DOCK3: variants seen among roughly 807,000 people sequenced by gnomAD.
DOCK3 encodes dedicator of cytokinesis protein 3.
Under a neutral mutation model 265.6 loss-of-function variants are expected in DOCK3, and 60 were observed. The observed-to-expected ratio is 0.23, with a 90% CI of 0.18 to 0.28. The LOEUF is 0.28. DOCK3 is among the 10% of genes least tolerant of loss of function. DOCK3 has a pLI of 1.00. For synonymous variants in DOCK3, 881 were observed against 938.0 expected (o/e 0.94, Z 1.11); for missense variants, 1,981 against 2,594.3 (o/e 0.76, Z 5.14).
intron 2 of DOCK3, among the ~76,000 whole-genome samples, chr3:50,825,242 A>T (rs1472936356): frequency 6.6e-6 from 1 of 152,194 alleles, no homozygotes; most frequent in Non-Finnish European, 1.5e-5. Flanking sequence ...AGATACAGAG[A>T]TTATAAAATG....
rs545657838 is a variant in DOCK3, at chr3:50,713,778, A to G, written c.37+38478A>G. Among the ~76,000 whole-genome samples, 61 of 152,048 alleles carry G rather than the reference A, an allele frequency of 4.0e-4. 1 individual carries two copies. In the South Asian group the frequency reaches 0.012, roughly 30 times the overall value. The stretch of plus-strand genomic sequence containing the variant: ...TGTCTAGATGGAGATCATGATCTTT[A>G]GTCATCTCCAGTCTGTTCTTGTTTT... On this transcript the variant is annotated intron_variant, in intron 1 of 52. Coordinates refer to ENST00000266037, the MANE Select transcript of DOCK3 (RefSeq NM_004947.5).
chr3:51,119,669 A>G (rs1576147204), intron 9 of DOCK3, among the ~76,000 whole-genome samples: 2 of 151,180 alleles, frequency 1.3e-5, no homozygotes, highest in African/African-American at 4.9e-5. Flanking sequence ...CATTTTCATT[A>G]TTTTTTCTCT....
At chr3:51,154,103 A>G (rs1304506778) in intron 10 of DOCK3, among the ~76,000 whole-genome samples, 1 of 152,244 alleles carries the variant, frequency 6.6e-6, no homozygotes, top group Admixed American at 6.5e-5. Flanking sequence ...ATGACTTTCT[A>G]TAAAAGCTGC....
chr3:50,956,125 G>A (rs1160481977), intron 5 of DOCK3, among the ~76,000 whole-genome samples: 3 of 151,510 alleles, frequency 2.0e-5, no homozygotes, highest in African/African-American at 7.3e-5. Context: ...ATTTAGTTCA[G>A]AATTTGAGAA....
chr3:51,341,155 A>G, intron 37 of DOCK3, 82 bp from the exon 38 acceptor site: 2 of 1,470,530 alleles, frequency 1.4e-6, no homozygotes, highest in South Asian at 1.4e-5. Flanking sequence ...CATTCTGCCC[A>G]GCATAGTCCT....
intron 3 of DOCK3, among the ~76,000 whole-genome samples, chr3:50,887,107 G>A (rs1485419132): frequency 6.6e-6 from 1 of 152,038 alleles, no homozygotes; most frequent in East Asian, 1.9e-4. Context: ...AAAATTGATA[G>A]ACTGCTAGCA....
intron 9 of DOCK3, among the ~76,000 whole-genome samples, chr3:51,100,068 TTACAGTGAC>T (rs1204397369): frequency 1.5e-5 from 2 of 130,858 alleles, no homozygotes; most frequent in African/African-American, 5.8e-5. Flanking sequence ...AAGAAAGCCT[TTACAGTGAC>T]CAGATGACAG....
At chr3:50,758,298 C>G (rs1418224181) in intron 1 of DOCK3, among the ~76,000 whole-genome samples, 3 of 150,168 alleles carry the variant, frequency 2.0e-5, no homozygotes, top group African/African-American at 7.4e-5. Flanking sequence ...CCTTATGCCA[C>G]TACCACACTA....
At chr3:51,016,585 CAT>C (rs1559944363) in intron 5 of DOCK3, among the ~76,000 whole-genome samples, 15 of 74,424 alleles carry the variant, frequency 2.0e-4, no homozygotes, top group South Asian at 1.4e-3. Context: ...TTATATATAT[CAT>C]ATATTATATA....
chr3:50,922,771 A>AT (rs2050560580), intron 4 of DOCK3, among the ~76,000 whole-genome samples: 1 of 140,650 alleles, frequency 7.1e-6, no homozygotes, highest in African/African-American at 2.6e-5. Context: ...TTTTTTTTTA[A>AT]TTTTTTTCTC....
intron 1 of DOCK3, among the ~76,000 whole-genome samples, chr3:50,763,250 T>G (rs1172669363): frequency 2.6e-5 from 4 of 152,148 alleles, no homozygotes; most frequent in Non-Finnish European, 5.9e-5. Context: ...CTTTTCATAT[T>G]AGAGAGCAAT....
At chr3:51,280,073 C>G (rs1230679461) in intron 26 of DOCK3, 33 bp from the exon 27 acceptor site, 17 of 1,589,148 alleles carry the variant, frequency 1.1e-5, no homozygotes, top group Non-Finnish European at 1.4e-5. Context: ...TTGCAATTGG[C>G]CATGCTAAGT....
chr3:51,335,667 C>T (rs2084811107), intron 35 of DOCK3, among the ~76,000 whole-genome samples: 1 of 152,178 alleles, frequency 6.6e-6, no homozygotes, highest in African/African-American at 2.4e-5. Flanking sequence ...TTTCCTCTGC[C>T]TCAATGCAGT....
rs1299125445 is a variant in DOCK3, at chr3:51,342,531, GC to G, written c.3915+1147del. 3.9e-5 allele frequency among the ~76,000 whole-genome samples: 6 copies of G among 152,308 alleles called. No homozygotes were observed. In the East Asian group the frequency reaches 1.2e-3, roughly 29 times the overall value. ...GAGCTGCCCCTCACCCTCATGCCCAGCAAGCCCTCCTAGCTCACAGGGAATG... is the reference window on the plus strand; with the variant it reads ...GAGCTGCCCCTCACCCTCATGCCCAGAAGCCCTCCTAGCTCACAGGGAATG... On this transcript the variant is annotated intron_variant, in intron 38 of 52. Coordinates refer to ENST00000266037, the MANE Select transcript of DOCK3 (RefSeq NM_004947.5).
chr3:50,954,845 A>G (rs1380769513), intron 5 of DOCK3, among the ~76,000 whole-genome samples: 1 of 151,884 alleles, frequency 6.6e-6, no homozygotes, highest in African/African-American at 2.4e-5. Context: ...CTATTTGTCA[A>G]TTTTTACTTT....
chr3:51,300,469 G>A (rs748600882), intron 27 of DOCK3, among the ~76,000 whole-genome samples: 11 of 152,158 alleles, frequency 7.2e-5, no homozygotes, highest in Non-Finnish European at 1.2e-4. Flanking sequence ...AGGCATCCTT[G>A]TCTTGTGCCG....
In DOCK3 at chr3:51,368,555, G is replaced by A. The variant is rs1007081110; in HGVS notation, c.5293+5881G>A. On this transcript the variant is annotated intron_variant, in intron 49 of 52. Transcript: ENST00000266037. ...CTTGAGTAGGTAAACAAAGCGGCTGGGAAGCTCGAACTGGGTGGAGCCCAC... is the reference window on the plus strand; with the variant it reads ...CTTGAGTAGGTAAACAAAGCGGCTGAGAAGCTCGAACTGGGTGGAGCCCAC... Among the ~76,000 whole-genome samples the A allele has an allele frequency of 3.9e-5, 6 of 152,200 alleles. 1 individual carries two copies. In the South Asian group the frequency reaches 1.0e-3, roughly 26 times the overall value.
At chr3:51,041,968 C>A (rs2080551209) in intron 5 of DOCK3, among the ~76,000 whole-genome samples, 2 of 152,202 alleles carry the variant, frequency 1.3e-5, no homozygotes, top group South Asian at 4.2e-4. Flanking sequence ...CCATGAAAGC[C>A]CTAACTTATT....
intron 4 of DOCK3, among the ~76,000 whole-genome samples, chr3:50,904,683 C>G (rs1284939753): frequency 6.6e-6 from 1 of 152,168 alleles, no homozygotes; most frequent in African/African-American, 2.4e-5. Context: ...AGCCCATTGT[C>G]AGATGAGTAG....
Sources: gnomAD v4.1 joint callset for allele counts (sites outside exome capture counted in the v4.1 genomes callset) on GRCh38, gnomAD v4.1.1 for gene constraint, MANE v1.5 for transcripts, NCBI Gene and HGNC (gene_info 2026-07-23, HGNC 2026-07-21) for gene names.